RUNX1: variants seen among roughly 807,000 people sequenced by gnomAD.
The protein encoded by RUNX1 is runt-related transcription factor 1.
RUNX1 carries 19 observed loss-of-function variants against 42.8 expected under a neutral mutation model. The ratio of observed to expected loss-of-function variants is 0.44; its 90% CI spans 0.31 to 0.65. The LOEUF is 0.65. RUNX1 is among the 30% of genes least tolerant of loss of function. The pLI, the probability that RUNX1 is intolerant of heterozygous loss-of-function variation, is 0.07. For synonymous variants in RUNX1, 271 were observed against 289.4 expected, an observed-to-expected ratio of 0.94 and a Z score of 0.64; for missense variants, 528 against 672.0, an observed-to-expected ratio of 0.79 and a Z score of 2.37.
intron 2 of RUNX1, among the ~76,000 whole-genome samples, chr21:34,993,129 T>C (rs1259075704): frequency 6.6e-6 from 1 of 152,234 alleles, no homozygotes; most frequent in Non-Finnish European, 1.5e-5. Flanking sequence ...ACCTCTGCTC[T>C]ACTTCTAGGG....
At chr21:34,970,836 C>G (rs1255438032) in intron 2 of RUNX1, among the ~76,000 whole-genome samples, 3 of 151,872 alleles carry the variant, frequency 2.0e-5, no homozygotes, top group Non-Finnish European at 4.4e-5. Flanking sequence ...TACAGCCATT[C>G]TTTGTATTAC....
At chr21:34,857,608 T>C (rs2057513416) in intron 6 of RUNX1, among the ~76,000 whole-genome samples, 1 of 152,228 alleles carries the variant, frequency 6.6e-6, no homozygotes, top group South Asian at 2.1e-4. Context: ...ACAGTGGTTC[T>C]ACAGCCTCCT....
intron 2 of RUNX1, chr21:35,038,577 CTCTCTCTCTCT>C (rs2059328839): frequency 6.7e-6 from 1 of 148,598 alleles, no homozygotes; most frequent in Non-Finnish European, 1.5e-5. Flanking sequence ...GCTGGCCTCT[CTCTCTCTCTCT>C]CTCTCTCTCT....
At chr21:34,874,792 T>A (rs899075713) in intron 5 of RUNX1, among the ~76,000 whole-genome samples, 1 of 152,122 alleles carries the variant, frequency 6.6e-6, no homozygotes, top group African/African-American at 2.4e-5. Flanking sequence ...CAAAACTGAT[T>A]TATTAGAACC....
At chr21:34,918,485 T>C (rs1390508193) in intron 2 of RUNX1, among the ~76,000 whole-genome samples, 1 of 152,258 alleles carries the variant, frequency 6.6e-6, no homozygotes, top group Non-Finnish European at 1.5e-5. Flanking sequence ...AGTTTTAAAA[T>C]TTGCTTATCT....
chr21:34,957,942 A>C (rs2058656543), intron 2 of RUNX1, among the ~76,000 whole-genome samples: 1 of 152,132 alleles, frequency 6.6e-6, no homozygotes, highest in Non-Finnish European at 1.5e-5. Context: ...TCAGGCCACC[A>C]ATGGGAATTT....
chr21:34,792,685 G>T lies in RUNX1; in HGVS notation c.968-75C>A, dbSNP rs886924586. On this transcript the variant is annotated intron_variant, in intron 8 of 8. Coordinates refer to ENST00000675419, the MANE Select transcript of RUNX1 (RefSeq NM_001754.5). The surrounding 1 kb of genome is among the most constrained non-coding windows in gnomAD (Gnocchi z 6.9). ...GGCCACAGCTCTTCCCTCTGCCCCA[G>T]GGGGCTACCCAGGATGATACCGCCT... The T allele has an allele frequency of 9.3e-6, 13 of 1,399,540 alleles. No individual in the cohort carries two copies. In the Admixed American group the frequency reaches 1.5e-4, roughly 16 times the overall value. 86.7% of individuals were successfully genotyped at this position (1,399,540 alleles called of 1,614,324 possible).
chr21:34,837,955 G>T (rs1342147600), intron 6 of RUNX1, among the ~76,000 whole-genome samples: 1 of 152,070 alleles, frequency 6.6e-6, no homozygotes, highest in Non-Finnish European at 1.5e-5. Flanking sequence ...TATTATGTAT[G>T]CAGAGTCATA....
At chr21:35,040,418 G>C (rs2059348799) in intron 2 of RUNX1, among the ~76,000 whole-genome samples, 1 of 152,078 alleles carries the variant, frequency 6.6e-6, no homozygotes, top group African/African-American at 2.4e-5. Context: ...CAGTAAAAGG[G>C]GAAGTGCTTC....
intron 2 of RUNX1, among the ~76,000 whole-genome samples, chr21:34,933,895 G>T (rs115756442): frequency 2.2e-3 from 337 of 152,330 alleles, no homozygotes; most frequent in African/African-American, 7.8e-3. Flanking sequence ...CTGACAAGAG[G>T]AGTCAGCTGT....
At chr21:34,832,791 T>G (rs1464353110) in intron 7 of RUNX1, among the ~76,000 whole-genome samples, 2 of 152,296 alleles carry the variant, frequency 1.3e-5, no homozygotes, top group Non-Finnish European at 2.9e-5. Flanking sequence ...AAATCATTAT[T>G]AATGATTATT....
chr21:34,904,785 G>A (rs760837472), intron 2 of RUNX1, among the ~76,000 whole-genome samples: 9 of 152,194 alleles, frequency 5.9e-5, no homozygotes, highest in Non-Finnish European at 8.8e-5. Flanking sequence ...TGTTTCAGAA[G>A]TATTCTGTTT....
intron 2 of RUNX1, 149 bp from the exon 3 acceptor site, chr21:34,893,112 G>A (rs569370461): frequency 1.1e-5 from 7 of 648,730 alleles, no homozygotes; most frequent in Non-Finnish European, 2.0e-5. Flanking sequence ...ACTTGAAATA[G>A]TAAATCACCA....
chr21:34,925,917 G>A lies in RUNX1; in HGVS notation c.59-32954C>T, dbSNP rs542379735. 2.6e-5 allele frequency among the ~76,000 whole-genome samples: 4 copies of A among 152,134 alleles called. No homozygotes were observed. The East Asian group carries it at 5.8e-4, about 22-fold the overall frequency. On this transcript the variant is annotated intron_variant, in intron 2 of 8. Transcript: ENST00000675419. ...AGTCACCTGTTTTTCCCAAAGGCTA[G>A]TACTATAGAGTGCTTTCCTTGTGCA...
intron 2 of RUNX1, among the ~76,000 whole-genome samples, chr21:34,987,905 A>G (rs762249): frequency 0.85 from 129,466 of 152,198 alleles, 55,251 homozygotes; most frequent in East Asian, 0.91. Flanking sequence ...GCTGATGAAC[A>G]ACTCCCATCC....
At chr21:34,933,736 C>T (rs114051386) in intron 2 of RUNX1, among the ~76,000 whole-genome samples, 1,692 of 152,262 alleles carry the variant, frequency 0.011, 38 homozygotes, top group African/African-American at 0.038. Flanking sequence ...CGTTCACGCA[C>T]CACTCCAGAC....
At chr21:34,899,737 A>G (rs958137920) in intron 2 of RUNX1, among the ~76,000 whole-genome samples, 22 of 152,342 alleles carry the variant, frequency 1.4e-4, no homozygotes, top group African/African-American at 4.8e-4. Flanking sequence ...ACCCATTCTC[A>G]GCCCATGCAG....
At chr21:34,894,510 G>A (rs1179970869) in intron 2 of RUNX1, among the ~76,000 whole-genome samples, 1 of 152,142 alleles carries the variant, frequency 6.6e-6, no homozygotes, top group Non-Finnish European at 1.5e-5. Context: ...GGTAGGGGGT[G>A]AGCAACTGCT....
At chr21:34,867,901 G>A (rs529553567) in intron 5 of RUNX1, among the ~76,000 whole-genome samples, 4 of 152,122 alleles carry the variant, frequency 2.6e-5, no homozygotes, top group Non-Finnish European at 5.9e-5. Flanking sequence ...TTGGGCTGGG[G>A]TCACACAGGG....
Sources: gnomAD v4.1 joint callset for allele counts (sites outside exome capture counted in the v4.1 genomes callset) on GRCh38, gnomAD v4.1.1 for gene constraint, Gnocchi (gnomAD v3.1) non-coding constraint, MANE v1.5 for transcripts, NCBI Gene and HGNC (gene_info 2026-07-23, HGNC 2026-07-21) for gene names.